Variants in PDGFD observed in about 807,000 individuals in gnomAD.
PDGFD encodes platelet-derived growth factor D.
Under a neutral mutation model 44.7 loss-of-function variants are expected in PDGFD, and 30 were observed. That is an observed-to-expected ratio of 0.67 (90% confidence interval 0.50 to 0.91). The LOEUF (loss-of-function observed/expected upper bound fraction) is 0.91. PDGFD is among the 40% of genes least tolerant of loss of function. The pLI is 0.00. For missense variants in PDGFD, 445 were observed against 457.8 expected, an observed-to-expected ratio of 0.97 and a Z score of 0.25; for synonymous variants, 173 against 168.4, an observed-to-expected ratio of 1.03 and a Z score of -0.21.
rs1860635819 is a variant in PDGFD, at chr11:104,057,296, T to C, written c.125-57041A>G. Among the ~76,000 whole-genome samples the C allele has an allele frequency of 2.0e-5, 3 of 152,306 alleles. No individual in the cohort carries two copies. In the South Asian group the frequency reaches 6.2e-4, roughly 32 times the overall value. ...TGTCAATCTCCCATAATTTGATGTATAGAATTAAAATAATCTCAATGAAAA... is the reference window on the plus strand; with the variant it reads ...TGTCAATCTCCCATAATTTGATGTACAGAATTAAAATAATCTCAATGAAAA... On this transcript the variant is annotated intron_variant, in intron 1 of 6. Transcript: ENST00000393158.
intron 1 of PDGFD, among the ~76,000 whole-genome samples, chr11:104,139,252 T>C (rs1477780564): frequency 6.6e-6 from 1 of 152,172 alleles, no homozygotes; most frequent in Admixed American, 6.5e-5. Flanking sequence ...GAACAACTGA[T>C]TCCTAATGCA....
chr11:103,908,035 G>C lies in PDGFD; in HGVS notation c.*1659C>G, dbSNP rs897774406. The C allele has an allele frequency of 2.6e-5, 4 of 152,140 alleles. No homozygotes were observed. Among genetic ancestry groups the C allele is most frequent in the Admixed American group, 6.6e-5 (1 of 15,266 alleles). The allele number at this position is 152,140 out of a possible 1,614,324, so 9.4% of individuals were successfully genotyped here. A position where few individuals can be genotyped will look rare whatever the true frequency, so the allele number is the denominator to read the frequency against. ...CTTGGACCTGAGAGCACCATACTTA[G>C]AAATCTAAGTATATTTAGGTCACTC... On this transcript the variant is annotated 3_prime_UTR_variant, in exon 7 of 7. Transcript: ENST00000393158.
chr11:104,079,537 G>A (rs1307538435), intron 1 of PDGFD, among the ~76,000 whole-genome samples: 2 of 151,984 alleles, frequency 1.3e-5, no homozygotes, highest in African/African-American at 4.8e-5. Flanking sequence ...ACAGGTGCCT[G>A]CCGCCACGCT....
intron 3 of PDGFD, among the ~76,000 whole-genome samples, chr11:103,970,300 TA>T (rs1859084794): frequency 1.3e-5 from 2 of 152,244 alleles, no homozygotes; most frequent in Admixed American, 1.3e-4. Flanking sequence ...TAAGTTTTAA[TA>T]AAAAGTTGCC....
chr11:104,020,984 T>C (rs1859941841), intron 1 of PDGFD, among the ~76,000 whole-genome samples: 1 of 152,230 alleles, frequency 6.6e-6, no homozygotes. Flanking sequence ...AAGTTGAAAA[T>C]CAAAACATAC....
chr11:104,163,119 T>G (rs1365572969), intron 1 of PDGFD, among the ~76,000 whole-genome samples: 1 of 152,134 alleles, frequency 6.6e-6, no homozygotes, highest in African/African-American at 2.4e-5. Context: ...AAGCCGCTTC[T>G]GCAAGGAAAC....
intron 1 of PDGFD, among the ~76,000 whole-genome samples, chr11:104,011,304 T>A (rs916112918): frequency 6.6e-6 from 1 of 152,096 alleles, no homozygotes; most frequent in African/African-American, 2.4e-5. Flanking sequence ...GTTTATCACT[T>A]GTGATGTATA....
At chr11:104,088,848 C>T (rs1018119342) in intron 1 of PDGFD, among the ~76,000 whole-genome samples, 2 of 152,038 alleles carry the variant, frequency 1.3e-5, no homozygotes, top group African/African-American at 4.8e-5. Flanking sequence ...ATTCTTCCCT[C>T]TATACCCAGG....
At chr11:103,966,384 T>C (rs1859020331) in intron 3 of PDGFD, among the ~76,000 whole-genome samples, 1 of 152,190 alleles carries the variant, frequency 6.6e-6, no homozygotes, top group African/African-American at 2.4e-5. Flanking sequence ...ATGCATATAT[T>C]AGATTTCATC....
At chr11:104,127,123 T>C (rs1381742990) in intron 1 of PDGFD, among the ~76,000 whole-genome samples, 5 of 151,878 alleles carry the variant, frequency 3.3e-5, no homozygotes, top group Non-Finnish European at 7.4e-5. Flanking sequence ...TAAACAAAGG[T>C]AGAAAAACAT....
chr11:104,144,855 T>C (rs963370812), intron 1 of PDGFD, among the ~76,000 whole-genome samples: 6 of 152,210 alleles, frequency 3.9e-5, no homozygotes, highest in Non-Finnish European at 5.9e-5. Flanking sequence ...TGGCCTAACC[T>C]ACCTCTAAGA....
chr11:103,993,785 T>C (rs1859494341), intron 3 of PDGFD, among the ~76,000 whole-genome samples: 1 of 152,226 alleles, frequency 6.6e-6, no homozygotes, highest in Non-Finnish European at 1.5e-5. Flanking sequence ...TAAAATTTGT[T>C]TGTCAAAATA....
chr11:103,985,117 TAA>T (rs1859341051), intron 3 of PDGFD, among the ~76,000 whole-genome samples: 1 of 133,142 alleles, frequency 7.5e-6, no homozygotes, highest in South Asian at 2.2e-4. Flanking sequence ...ATTTAATATA[TAA>T]TATATTAATT....
In PDGFD at chr11:103,923,626, T is replaced by C. The variant is rs140742262; in HGVS notation, c.987+3286A>G. On this transcript the variant is annotated intron_variant, in intron 6 of 6. Transcript: ENST00000393158. ...ATTCAGAATAAAGGACTAGAATTTT[T>C]CCCTAATGAGACTAGGCTCAAGCAA... Among the ~76,000 whole-genome samples the C allele has an allele frequency of 3.2e-3, 495 of 152,318 alleles. 1 individual carries two copies. The highest frequency in any genetic ancestry group is 0.012 in the African/African-American group (480 of 41,568).
chr11:103,964,058 C>G (rs1453990820), intron 3 of PDGFD, among the ~76,000 whole-genome samples: 2 of 152,152 alleles, frequency 1.3e-5, no homozygotes, highest in Non-Finnish European at 2.9e-5. Context: ...AGTGCCCTCC[C>G]TCTGGGAGGG....
intron 1 of PDGFD, among the ~76,000 whole-genome samples, chr11:104,002,902 T>C (rs1363091947): frequency 6.6e-6 from 1 of 152,214 alleles, no homozygotes; most frequent in Non-Finnish European, 1.5e-5. Flanking sequence ...ACCATGAGTC[T>C]AAATATATTA....
At chr11:104,040,290 T>G (rs1439207975) in intron 1 of PDGFD, among the ~76,000 whole-genome samples, 1 of 152,054 alleles carries the variant, frequency 6.6e-6, no homozygotes, top group Non-Finnish European at 1.5e-5. Context: ...CCTAAAAACA[T>G]GATTTGAGTG....
At chr11:104,155,771 A>G (rs984362629) in intron 1 of PDGFD, among the ~76,000 whole-genome samples, 19 of 152,236 alleles carry the variant, frequency 1.2e-4, no homozygotes, top group Non-Finnish European at 2.4e-4. Flanking sequence ...ATTTTGTAAA[A>G]GCAGGTGGTT....
chr11:104,151,099 T>G (rs1456554574), intron 1 of PDGFD, among the ~76,000 whole-genome samples: 1 of 152,198 alleles, frequency 6.6e-6, no homozygotes, highest in African/African-American at 2.4e-5. Flanking sequence ...CACCCATCAT[T>G]GATTACTGTT....
Sources: gnomAD v4.1 joint callset for allele counts (sites outside exome capture counted in the v4.1 genomes callset) on GRCh38, gnomAD v4.1.1 for gene constraint, MANE v1.5 for transcripts, NCBI Gene and HGNC (gene_info 2026-07-23, HGNC 2026-07-21) for gene names.